MYO6: variants seen among roughly 807,000 people sequenced by gnomAD.
MYO6 encodes the protein myosin VI.
Under a neutral mutation model 178.7 loss-of-function variants are expected in MYO6, and 74 were observed. That is an observed-to-expected ratio of 0.41 (90% CI 0.34 to 0.50). The LOEUF is 0.50. Ranked by LOEUF, MYO6 falls within the 20% of genes least tolerant of loss-of-function variation. The pLI, the probability that MYO6 is intolerant of heterozygous loss-of-function variation, is 0.09. For missense variants in MYO6, 1,330 were observed against 1,547.4 expected (o/e 0.86, Z 2.36); for synonymous variants, 477 against 504.6 (o/e 0.95, Z 0.73).
intron 15 of MYO6, among the ~76,000 whole-genome samples, chr6:75,861,558 C>T (rs983582576): frequency 1.3e-5 from 2 of 152,296 alleles, no homozygotes; most frequent in Admixed American, 6.5e-5. Context: ...GATAACACTG[C>T]GCAGCAAGAG....
chr6:75,799,952 G>A (rs1404493105), intron 1 of MYO6, among the ~76,000 whole-genome samples: 2 of 152,022 alleles, frequency 1.3e-5, no homozygotes, highest in African/African-American at 4.8e-5. Flanking sequence ...AATGGCAGTG[G>A]TGGTAACTTT....
chr6:75,820,781 C>G (rs1771789592), intron 2 of MYO6, among the ~76,000 whole-genome samples: 2 of 152,160 alleles, frequency 1.3e-5, no homozygotes, highest in African/African-American at 4.8e-5. Flanking sequence ...CCCTCCCCCC[C>G]ATTCAGTAGA....
chr6:75,882,876 G>A (rs944806559), intron 23 of MYO6, among the ~76,000 whole-genome samples: 2 of 152,148 alleles, frequency 1.3e-5, no homozygotes, highest in African/African-American at 4.8e-5. Flanking sequence ...GTTGGTAATT[G>A]TGCACCCAGC....
chr6:75,784,356 A>T (rs1767294290), intron 1 of MYO6, among the ~76,000 whole-genome samples: 1 of 152,108 alleles, frequency 6.6e-6, no homozygotes, highest in African/African-American at 2.4e-5. Flanking sequence ...AAGTTTGAAA[A>T]AAAAAATAGG....
intron 1 of MYO6, among the ~76,000 whole-genome samples, chr6:75,752,983 GA>G (rs1476320401): frequency 2.6e-5 from 4 of 152,168 alleles, no homozygotes; most frequent in African/African-American, 4.8e-5. Flanking sequence ...CTAATCTTGA[GA>G]GGGGGGACTC....
intron 16 of MYO6, 106 bp downstream of exon 16, chr6:75,862,829 G>T: frequency 7.7e-7 from 1 of 1,298,082 alleles, no homozygotes; most frequent in Non-Finnish European, 1.1e-6. Context: ...AAATTATGGC[G>T]TGTATAGAGC....
At chr6:75,800,426 G>T (rs1245488599) in intron 1 of MYO6, among the ~76,000 whole-genome samples, 1 of 152,056 alleles carries the variant, frequency 6.6e-6, no homozygotes, top group Non-Finnish European at 1.5e-5. Context: ...CTGATGGAGG[G>T]TTTATATTTG....
intron 23 of MYO6, among the ~76,000 whole-genome samples, chr6:75,882,993 G>T (rs1302227658): frequency 4.6e-5 from 7 of 152,150 alleles, no homozygotes; most frequent in Admixed American, 4.6e-4. Flanking sequence ...GTTGCCCAGA[G>T]AACTGAAATC....
chr6:75,842,202 G>GCA (rs375234110), intron 9 of MYO6, among the ~76,000 whole-genome samples: 24,637 of 148,768 alleles, frequency 0.17, 2,105 homozygotes, highest in African/African-American at 0.22. Context: ...ACACACACAT[G>GCA]CACACACACA....
intron 30 of MYO6, 136 bp downstream of exon 30, chr6:75,898,547 A>C: frequency 1.3e-6 from 1 of 752,688 alleles, no homozygotes; most frequent in South Asian, 1.6e-5. Context: ...CTTTCTGTAC[A>C]AGAAATATCA....
In MYO6 at chr6:75,866,891, A is replaced by G. The variant is rs536614550; in HGVS notation, c.1771-41A>G. On this transcript the variant is annotated intron_variant, in intron 17 of 34. Transcript: ENST00000369977. Reference sequence around the variant, plus strand: ...CAGAGCCATGTTAAGTGATGTTATCACAAGATGGACAGAAACATTCCTGTT... The same window carrying G: ...CAGAGCCATGTTAAGTGATGTTATCGCAAGATGGACAGAAACATTCCTGTT... 7.0e-5 allele frequency: 112 copies of G among 1,598,666 alleles called. No individual in the cohort carries two copies. The South Asian group carries it at 9.4e-4, about 13-fold the overall frequency.
chr6:75,825,724 T>C (rs1772399134), intron 3 of MYO6, among the ~76,000 whole-genome samples: 1 of 152,180 alleles, frequency 6.6e-6, no homozygotes, highest in Non-Finnish European at 1.5e-5. Flanking sequence ...GTTTGTGGGT[T>C]CTTTTTTTCT....
intron 1 of MYO6, among the ~76,000 whole-genome samples, chr6:75,817,222 G>A (rs1199439592): frequency 1.3e-5 from 2 of 151,298 alleles, no homozygotes; most frequent in East Asian, 2.0e-4. Flanking sequence ...GGAGAATGGC[G>A]TGATCCTGGG....
chr6:75,860,757 A>G (rs1004676833), intron 14 of MYO6, among the ~76,000 whole-genome samples: 3 of 152,228 alleles, frequency 2.0e-5, no homozygotes, highest in Admixed American at 2.0e-4. Context: ...TCTAAATTAC[A>G]CTTATTTTCC....
rs1235446826 is a variant in MYO6 at position 75,903,726 on chromosome 6, C to T, written c.3177-3879C>T. 4.6e-5 allele frequency among the ~76,000 whole-genome samples: 7 copies of T among 152,060 alleles called. No homozygotes were observed. The East Asian group carries it at 1.4e-3, about 30-fold the overall frequency. ...TTAATTGGAGCATTTATTCCATTTACATTTAAAGTTAATATTGTTATCTGT... is the reference window on the plus strand; with the variant it reads ...TTAATTGGAGCATTTATTCCATTTATATTTAAAGTTAATATTGTTATCTGT... On this transcript the variant is annotated intron_variant, in intron 30 of 34. Transcript: ENST00000369977.
intron 32 of MYO6, among the ~76,000 whole-genome samples, chr6:75,909,705 A>T (rs921782316): frequency 3.3e-5 from 5 of 152,214 alleles, no homozygotes; most frequent in African/African-American, 1.2e-4. Flanking sequence ...TTATTCGCTT[A>T]ATTCTGGTTA....
At chr6:75,851,101 T>C (rs1775225055) in intron 11 of MYO6, among the ~76,000 whole-genome samples, 1 of 152,202 alleles carries the variant, frequency 6.6e-6, no homozygotes, top group African/African-American at 2.4e-5. Flanking sequence ...TAATACACAC[T>C]TTAGAAATGT....
At chr6:75,790,935 A>G (rs933457548) in intron 1 of MYO6, among the ~76,000 whole-genome samples, 1 of 151,912 alleles carries the variant, frequency 6.6e-6, no homozygotes, top group Non-Finnish European at 1.5e-5. Flanking sequence ...TAATAGCTGT[A>G]TATAGAGATA....
chr6:75,795,666 C>T lies in MYO6; in HGVS notation c.-47-21835C>T, dbSNP rs531632784. 1.3e-4 allele frequency among the ~76,000 whole-genome samples: 20 copies of T among 152,302 alleles called. 1 individual carries two copies. The highest frequency in any genetic ancestry group is 1.0e-3 in the Admixed American group (16 of 15,302). On this transcript the variant is annotated intron_variant, in intron 1 of 34. Coordinates refer to ENST00000369977, the MANE Select transcript of MYO6 (RefSeq NM_004999.4). ...CTTAGCAGAATTTTATAGAAATCTA[C>T]TTTAAAAGAAACCTGACTCCCACCT... is the stretch of plus-strand genomic sequence containing the variant.
Sources: gnomAD v4.1 joint callset for allele counts (sites outside exome capture counted in the v4.1 genomes callset) on GRCh38, gnomAD v4.1.1 for gene constraint, MANE v1.5 for transcripts, NCBI Gene and HGNC (gene_info 2026-07-23, HGNC 2026-07-21) for gene names.